Variants in NCKAP5 observed in about 807,000 individuals in gnomAD.
The protein encoded by NCKAP5 is NCK associated protein 5, also known as nck-associated protein 5.
In NCKAP5, 92 loss-of-function variants were observed where a neutral mutation model predicts 167.0. The observed-to-expected ratio is 0.55, with a 90% CI of 0.47 to 0.66. The LOEUF is 0.66. Ranked by LOEUF, NCKAP5 falls within the 30% of genes least tolerant of loss-of-function variation. The pLI is 0.00. For missense variants in NCKAP5, 2,378 were observed against 2,315.0 expected (o/e 1.03, Z -0.56); for synonymous variants, 891 against 877.4 (o/e 1.02, Z -0.27).
At chr2:132,736,127 G>A (rs2105526953) in intron 16 of NCKAP5, among the ~76,000 whole-genome samples, 1 of 152,204 alleles carries the variant, frequency 6.6e-6, no homozygotes, top group South Asian at 2.1e-4. Context: ...TGAATGTGAA[G>A]GATTCATTTG....
chr2:133,634,767 G>A, the NCKAP5 span, among the ~76,000 whole-genome samples: 7 of 152,018 alleles, frequency 4.6e-5, no homozygotes, highest in Non-Finnish European at 8.8e-5. Context: ...TTTATTCTGC[G>A]TGTATGTCCC....
intron 3 of NCKAP5, among the ~76,000 whole-genome samples, chr2:133,331,245 T>G (rs1682835674): frequency 6.6e-6 from 1 of 152,192 alleles, no homozygotes; most frequent in African/African-American, 2.4e-5. Flanking sequence ...CAGGTTTTAA[T>G]AGTTAAAGAT....
Position 132,728,836 on chromosome 2 carries a change from C to T in NCKAP5, c.5560G>A (p.Val1854Ile), listed in dbSNP as rs1690713767. 1.9e-6 allele frequency: 3 copies of T among 1,613,932 alleles called. No individual in the cohort carries two copies. Among genetic ancestry groups the T allele is most frequent in the Non-Finnish European group, 2.5e-6 (3 of 1,179,844 alleles). Reference sequence around the variant, plus strand: ...CTCACCTGGGTCCCGGTGGCAGCAACTTCACTCCCCCAGTCTGGAAGCGGC... The same window carrying T: ...CTCACCTGGGTCCCGGTGGCAGCAATTTCACTCCCCCAGTCTGGAAGCGGC... ...SQPLPDWGSEVAATGTQDKAP... is the reference protein window; with the variant it reads ...SQPLPDWGSEIAATGTQDKAP... The change falls in exon 18 of 20, where the codon GTT becomes ATT. Residue 1854 changes from valine to isoleucine, a missense_variant. Coordinates refer to ENST00000409261, the MANE Select transcript of NCKAP5 (RefSeq NM_207363.3).
At chr2:132,679,046 T>C (rs1423294285) in intron 19 of NCKAP5, among the ~76,000 whole-genome samples, 1 of 152,106 alleles carries the variant, frequency 6.6e-6, no homozygotes, top group East Asian at 1.9e-4. Context: ...CCTACTTTAG[T>C]TCTCAATGAC....
intron 6 of NCKAP5, among the ~76,000 whole-genome samples, chr2:133,071,199 C>T (rs2080382120): frequency 6.6e-6 from 1 of 152,198 alleles, no homozygotes; most frequent in Non-Finnish European, 1.5e-5. Flanking sequence ...AAAGTCTGCA[C>T]TACCAGGGTA....
intron 5 of NCKAP5, among the ~76,000 whole-genome samples, chr2:133,195,566 A>T (rs2085400760): frequency 6.6e-6 from 1 of 152,204 alleles, no homozygotes; most frequent in African/African-American, 2.4e-5. Context: ...TGTCTGGGCC[A>T]TTGAAGAATG....
chr2:133,082,738 A>G (rs2080853242), intron 6 of NCKAP5, among the ~76,000 whole-genome samples: 1 of 152,124 alleles, frequency 6.6e-6, no homozygotes, highest in Non-Finnish European at 1.5e-5. Flanking sequence ...GGAAGTTGAA[A>G]TGTTTTGAGC....
the NCKAP5 span, among the ~76,000 whole-genome samples, chr2:133,602,519 G>A: frequency 1.3e-5 from 2 of 152,186 alleles, no homozygotes; most frequent in Admixed American, 6.5e-5. Flanking sequence ...AGGTAGGCAC[G>A]TGGCTATCTT....
chr2:133,608,740 C>T, the NCKAP5 span, among the ~76,000 whole-genome samples: 1 of 152,178 alleles, frequency 6.6e-6, no homozygotes, highest in African/African-American at 2.4e-5. Flanking sequence ...TCCAATTCTT[C>T]CTGAAATGTT....
In NCKAP5 at chr2:132,710,981, A is replaced by G. The variant is rs531826610; in HGVS notation, c.5713+14646T>C. Reference sequence around the variant, plus strand: ...AAATCCAGCTAAGTTTCGAATGAAGAGAATGATTTATTTCAGGACCAATGT... The same window carrying G: ...AAATCCAGCTAAGTTTCGAATGAAGGGAATGATTTATTTCAGGACCAATGT... On this transcript the variant is annotated intron_variant, in intron 19 of 19. Coordinates refer to ENST00000409261, the MANE Select transcript of NCKAP5 (RefSeq NM_207363.3). Among the ~76,000 whole-genome samples the G allele has an allele frequency of 9.2e-5, 14 of 152,326 alleles. No homozygotes were observed. In the East Asian group the frequency reaches 2.5e-3, roughly 27 times the overall value.
intron 5 of NCKAP5, among the ~76,000 whole-genome samples, chr2:133,161,564 A>T (rs2083795098): frequency 6.6e-6 from 1 of 152,206 alleles, no homozygotes; most frequent in African/African-American, 2.4e-5. Flanking sequence ...ATGCTAAGTC[A>T]GCCTTCCAGC....
At chr2:132,803,359 T>G (rs192237441) in intron 11 of NCKAP5, among the ~76,000 whole-genome samples, 1 of 152,358 alleles carries the variant, frequency 6.6e-6, no homozygotes, top group Non-Finnish European at 1.5e-5. Flanking sequence ...CTGCCCTGAG[T>G]GCATTCTGTT....
At chr2:132,794,321 GA>G (rs1378594174) in intron 12 of NCKAP5, among the ~76,000 whole-genome samples, 2 of 143,428 alleles carry the variant, frequency 1.4e-5, no homozygotes, top group African/African-American at 5.1e-5. Flanking sequence ...GGCGGGAAGA[GA>G]GAGAGAAAGA....
In NCKAP5 at chr2:133,137,406, TTGTGTGTG is replaced by T. The variant is rs58955655; in HGVS notation, c.208-7303_208-7296del. Among the ~76,000 whole-genome samples the T allele has an allele frequency of 1.7e-3, 236 of 136,302 alleles. 4 individuals carry two copies. The highest frequency in any genetic ancestry group is 3.4e-3 in the African/African-American group (122 of 35,954). The allele number at this position is 136,302 out of a possible 152,430, so 89.4% of individuals were successfully genotyped here. A position where few individuals can be genotyped will look rare whatever the true frequency, so the allele number is the denominator to read the frequency against. On this transcript the variant is annotated intron_variant, in intron 5 of 19. Transcript: ENST00000409261. The stretch of plus-strand genomic sequence containing the variant: ...CTAAAAAAAGATGCAGAGCTTGGTT[TTGTGTGTG>T]TGTGTGTGTGTGTGTGTGTGTGTGT...
At chr2:133,015,008 G>T (rs12988086) in intron 6 of NCKAP5, among the ~76,000 whole-genome samples, 42,219 of 152,004 alleles carry the variant, frequency 0.28, 6,165 homozygotes, top group South Asian at 0.35. Context: ...CGTAGTATTT[G>T]TTTTCACAGC....
intron 3 of NCKAP5, among the ~76,000 whole-genome samples, chr2:133,473,935 C>T (rs1308176953): frequency 1.3e-5 from 2 of 152,076 alleles, no homozygotes; most frequent in African/African-American, 4.8e-5. Flanking sequence ...ATTTAAAGTA[C>T]TGTATGATCC....
intron 6 of NCKAP5, chr2:133,117,536 T>C (rs537770169): frequency 6.6e-6 from 1 of 152,334 alleles, no homozygotes; most frequent in African/African-American, 2.4e-5. Context: ...TTAGAAAGTC[T>C]GGGTCTGCAG....
In NCKAP5 at chr2:132,845,172, T is replaced by C. The variant is rs573412927; in HGVS notation, c.807+15320A>G. 2.0e-5 allele frequency among the ~76,000 whole-genome samples: 3 copies of C among 152,262 alleles called. No homozygotes were observed. In the South Asian group the frequency reaches 6.2e-4, roughly 32 times the overall value. On this transcript the variant is annotated intron_variant, in intron 11 of 19. Coordinates refer to ENST00000409261, the MANE Select transcript of NCKAP5 (RefSeq NM_207363.3). ...TTACTTCATTTTAACTCATAAGAAA[T>C]TCTAATTCATGGAATTACATGCTTC...
intron 2 of NCKAP5, among the ~76,000 whole-genome samples, chr2:133,534,855 T>C (rs1575118526): frequency 6.6e-6 from 1 of 152,268 alleles, no homozygotes; most frequent in East Asian, 1.9e-4. Context: ...AGGAGAGAAA[T>C]TGCCGGATCA....
Sources: allele counts gnomAD v4.1 joint callset (sites outside exome capture counted in the v4.1 genomes callset), GRCh38; gene constraint gnomAD v4.1.1; transcripts MANE v1.5; gene names NCBI Gene and HGNC (gene_info 2026-07-23, HGNC 2026-07-21).